Variants in GARIN1B observed in about 807,000 individuals in gnomAD.
The protein encoded by GARIN1B is golgi associated RAB2 interactor 1B.
At chr7:128,711,838 C>G in the GARIN1B span, among the ~76,000 whole-genome samples, 1 of 152,120 alleles carries the variant, frequency 6.6e-6, no homozygotes, top group African/African-American at 2.4e-5. Context: ...GTTAGGAGTT[C>G]AAGACCAGCC....
the GARIN1B span, chr7:128,713,842 T>C: frequency 1.6e-5 from 10 of 628,218 alleles, no homozygotes; most frequent in African/African-American, 1.9e-5. Flanking sequence ...AGCTTTATTG[T>C]TGTGGTTAAG....
chr7:128,715,796 G>C, the GARIN1B span: 1 of 1,059,216 alleles, frequency 9.4e-7, no homozygotes, highest in Non-Finnish European at 1.4e-6. Flanking sequence ...TGAGAATTGA[G>C]GCAAGGAGAA....
At chr7:128,719,121 A>G in the GARIN1B span, 1 of 1,601,650 alleles carries the variant, frequency 6.2e-7, no homozygotes, top group Non-Finnish European at 8.5e-7. Flanking sequence ...GTCAAGGCCA[A>G]AGCAGCAAGG....
At chr7:128,712,113 G>A in the GARIN1B span, among the ~76,000 whole-genome samples, 1 of 152,144 alleles carries the variant, frequency 6.6e-6, no homozygotes, top group Admixed American at 6.5e-5. Flanking sequence ...CACTGCTTAT[G>A]CAATAATAAA....
chr7:128,716,741 G>C, the GARIN1B span: 1 of 1,348,170 alleles, frequency 7.4e-7, no homozygotes, highest in Non-Finnish European at 1.0e-6. Context: ...TGTCGAGGTT[G>C]AGAAACCCTG....
the GARIN1B span, chr7:128,726,761 A>G: frequency 1.3e-6 from 2 of 1,570,732 alleles, no homozygotes; most frequent in Non-Finnish European, 1.8e-6. Context: ...CAAGATCTGA[A>G]ATACAAATTT....
At chr7:128,730,838 G>C in the GARIN1B span, among the ~76,000 whole-genome samples, 1 of 151,980 alleles carries the variant, frequency 6.6e-6, no homozygotes. Context: ...GTAGACACAG[G>C]GTTTCACCAT....
the GARIN1B span, among the ~76,000 whole-genome samples, chr7:128,714,354 A>G: frequency 3.3e-5 from 5 of 152,084 alleles, no homozygotes; most frequent in Non-Finnish European, 7.4e-5. Context: ...AGGTGGGCGG[A>G]TCATCTGAGG....
the GARIN1B span, chr7:128,729,774 C>A: frequency 1.1e-6 from 1 of 950,476 alleles, no homozygotes; most frequent in Non-Finnish European, 1.6e-6. Context: ...GATTAAAGGA[C>A]CATGAATGCA....
the GARIN1B span, among the ~76,000 whole-genome samples, chr7:128,722,449 T>A: frequency 6.6e-6 from 1 of 152,128 alleles, no homozygotes; most frequent in South Asian, 2.1e-4. Flanking sequence ...GGAAAGAAAT[T>A]AATTTTGCCC....
At chr7:128,726,068 G>A in the GARIN1B span, among the ~76,000 whole-genome samples, 1 of 152,226 alleles carries the variant, frequency 6.6e-6, no homozygotes, top group African/African-American at 2.4e-5. Flanking sequence ...AGCGGGTAGT[G>A]GTGGAAGAGA....
At chr7:128,729,284 GGC>G in the GARIN1B span, among the ~76,000 whole-genome samples, 9 of 152,162 alleles carry the variant, frequency 5.9e-5, no homozygotes, top group Admixed American at 4.6e-4. Context: ...GCACCTGTGT[GGC>G]TGAATCTTTC....
At chr7:128,718,025 T>C in the GARIN1B span, among the ~76,000 whole-genome samples, 1 of 152,154 alleles carries the variant, frequency 6.6e-6, no homozygotes, top group African/African-American at 2.4e-5. Flanking sequence ...CTGACTAATA[T>C]TAGATCCAAA....
At chr7:128,711,813 C>T in the GARIN1B span, among the ~76,000 whole-genome samples, 6 of 152,102 alleles carry the variant, frequency 3.9e-5, no homozygotes, top group East Asian at 1.9e-4. Context: ...GGCCAAGGTG[C>T]GTGGATTGCT....
chr7:128,730,658 T>C, the GARIN1B span, among the ~76,000 whole-genome samples: 1 of 151,956 alleles, frequency 6.6e-6, no homozygotes, highest in South Asian at 2.1e-4. Flanking sequence ...CCAACTCTTT[T>C]TTTTTTGAGA....
the GARIN1B span, among the ~76,000 whole-genome samples, chr7:128,730,332 G>T: frequency 1.3e-5 from 2 of 152,190 alleles, no homozygotes; most frequent in Admixed American, 1.3e-4. Context: ...GAGGTGTAAG[G>T]GATCTCCTCT....
At chr7:128,718,217 A>C in the GARIN1B span, among the ~76,000 whole-genome samples, 1 of 152,034 alleles carries the variant, frequency 6.6e-6, no homozygotes. Context: ...TGGATCGCCT[A>C]AGGTCAGGAG....
At chr7:128,722,172 A>G in the GARIN1B span, among the ~76,000 whole-genome samples, 1 of 152,334 alleles carries the variant, frequency 6.6e-6, no homozygotes, top group East Asian at 1.9e-4. Flanking sequence ...GAATTCATGA[A>G]GCATTGCTAT....
At chr7:128,714,054 C>T in the GARIN1B span, 1 of 1,535,442 alleles carries the variant, frequency 6.5e-7, no homozygotes, top group Non-Finnish European at 8.7e-7. Flanking sequence ...AGTTGGTTTA[C>T]TGAGCCAGGA....
Sources: allele counts gnomAD v4.1 joint callset (sites outside exome capture counted in the v4.1 genomes callset), GRCh38; gene constraint gnomAD v4.1.1; transcripts MANE v1.5; gene names NCBI Gene and HGNC (gene_info 2026-07-23, HGNC 2026-07-21).